The following SCAMP5 variants were observed in gnomAD, a reference collection of about 807,000 sequenced individuals.
SCAMP5 encodes the protein secretory carrier-associated membrane protein 5.
In SCAMP5, 7 loss-of-function variants were observed where a neutral mutation model predicts 28.3. That is an observed-to-expected ratio of 0.25 (90% CI 0.14 to 0.46). The LOEUF is 0.46. Among genes scored for constraint, SCAMP5 ranks in the 20% least tolerant of loss-of-function variants. The pLI, the probability that SCAMP5 is intolerant of heterozygous loss-of-function variation, is 0.99. For missense variants in SCAMP5, 192 were observed against 312.5 expected, an observed-to-expected ratio of 0.61 and a Z score of 2.91; for synonymous variants, 117 against 116.4, an observed-to-expected ratio of 1.00 and a Z score of -0.03.
chr15:75,006,107 C>T (rs983450572), intron 1 of SCAMP5, among the ~76,000 whole-genome samples: 16 of 149,046 alleles, frequency 1.1e-4, no homozygotes, highest in African/African-American at 3.0e-4. Flanking sequence ...AAGCTATTCT[C>T]CTGCCCCAGC....
At chr15:75,015,029 G>A (rs1451108966) in intron 3 of SCAMP5, among the ~76,000 whole-genome samples, 1 of 152,112 alleles carries the variant, frequency 6.6e-6, no homozygotes, top group Non-Finnish European at 1.5e-5. Flanking sequence ...AGGCTTGTAG[G>A]TCACTGTGTC....
intron 3 of SCAMP5, 36 bp from the exon 4 acceptor site, chr15:75,016,557 C>T (rs762146000): frequency 4.4e-6 from 7 of 1,588,832 alleles, no homozygotes; most frequent in South Asian, 1.1e-5. Context: ...GCCTGGGTGT[C>T]TGTCTCTATG....
intron 1 of SCAMP5, among the ~76,000 whole-genome samples, chr15:75,001,307 T>C (rs2065705991): frequency 1.4e-5 from 2 of 146,036 alleles, no homozygotes; most frequent in African/African-American, 5.1e-5. Flanking sequence ...AGATCCAATA[T>C]CTATGAAGCC....
intron 1 of SCAMP5, among the ~76,000 whole-genome samples, chr15:75,009,627 C>T (rs991932549): frequency 6.6e-6 from 1 of 152,128 alleles, no homozygotes; most frequent in South Asian, 2.1e-4. Flanking sequence ...CAGGCACGCA[C>T]CATCGTGCCT....
chr15:75,018,978 A>G lies in SCAMP5; in HGVS notation c.703A>G (p.Met235Val). The change falls in exon 7 of 7, where the codon ATG (methionine) becomes GTG (valine). Residue 235 changes from methionine (M) to valine (V), a missense_variant. By Grantham distance (21) the Met-to-Val change is conservative. Coordinates refer to ENST00000425597, the MANE Select transcript of SCAMP5 (RefSeq NM_138967.4). The surrounding 1 kb of genome is among the most constrained non-coding windows in gnomAD (Gnocchi z 5.6). ...CCCCAATTACACGTACTCCAATGAG[A>G]TGTGAACCAGCCACGCCTACCAGGT... is the stretch of plus-strand genomic sequence containing the variant. ...ATPNYTYSNEM is the reference protein window; with the variant it reads ...ATPNYTYSNEV 1 of 1,506,352 alleles carries G rather than the reference A, an allele frequency of 6.6e-7. No homozygotes were observed. Among genetic ancestry groups the G allele is most frequent in the East Asian group, 2.4e-5 (1 of 41,742 alleles). 93.3% of individuals were successfully genotyped at this position (1,506,352 alleles called of 1,614,324 possible).
chr15:75,011,617 G>T (rs1193229787), intron 1 of SCAMP5, 175 bp from the exon 2 acceptor site: 1 of 407,354 alleles, frequency 2.5e-6, no homozygotes, highest in Admixed American at 3.9e-5. Context: ...GTAAGATGCA[G>T]CTGGTGGAAG....
chr15:75,003,162 A>G (rs2065725325), intron 1 of SCAMP5, among the ~76,000 whole-genome samples: 1 of 152,202 alleles, frequency 6.6e-6, no homozygotes, highest in Non-Finnish European at 1.5e-5. Flanking sequence ...ACCTCAAGTG[A>G]TCCGTCCATC....
At chr15:75,012,101 T>A (rs2141446776) in intron 2 of SCAMP5, among the ~76,000 whole-genome samples, 1 of 152,352 alleles carries the variant, frequency 6.6e-6, no homozygotes, top group East Asian at 1.9e-4. Context: ...ACTGTCCATC[T>A]GCCTGATTAG....
intron 1 of SCAMP5, among the ~76,000 whole-genome samples, chr15:75,004,454 G>A (rs192170609): frequency 3.3e-5 from 5 of 152,282 alleles, no homozygotes; most frequent in Middle Eastern, 6.8e-3. Context: ...CTACAGGCCG[G>A]CATGGTGGCT....
At chr15:74,995,774 C>T (rs962376402) in intron 1 of SCAMP5, 101 bp downstream of exon 1, 1 of 152,954 alleles carries the variant, frequency 6.5e-6, no homozygotes, top group Non-Finnish European at 1.5e-5. Context: ...TCCTCCTACA[C>T]TTCACCTTTG....
intron 1 of SCAMP5, among the ~76,000 whole-genome samples, chr15:75,000,575 G>A (rs56970592): frequency 0.2 from 30,370 of 151,700 alleles, 4,830 homozygotes; most frequent in South Asian, 0.43. Flanking sequence ...AAGTAGAGAC[G>A]AGGTTTCACC....
At chr15:75,009,419 A>G (rs1340433700) in intron 1 of SCAMP5, among the ~76,000 whole-genome samples, 1 of 148,744 alleles carries the variant, frequency 6.7e-6, no homozygotes, top group Non-Finnish European at 1.5e-5. Context: ...GTCCAGAAGA[A>G]TTTGACTGGA....
At chr15:75,015,160 TG>T (rs1168822745) in intron 3 of SCAMP5, among the ~76,000 whole-genome samples, 1 of 148,732 alleles carries the variant, frequency 6.7e-6, no homozygotes, top group Non-Finnish European at 1.5e-5. Context: ...CCCAAGGAAA[TG>T]TATATAACCC....
intron 1 of SCAMP5, among the ~76,000 whole-genome samples, chr15:75,006,428 G>A (rs2065760065): frequency 6.6e-6 from 1 of 152,086 alleles, no homozygotes; most frequent in South Asian, 2.1e-4. Context: ...TGAGGTGGGT[G>A]GATGGCTTGA....
At chr15:74,998,680 C>G (rs1160954889) in intron 1 of SCAMP5, among the ~76,000 whole-genome samples, 2 of 151,880 alleles carry the variant, frequency 1.3e-5, no homozygotes, top group Non-Finnish European at 2.9e-5. Flanking sequence ...CCCCACCCCC[C>G]ATTTCAAAGG....
At position 75,016,748 on chromosome 15, in the gene SCAMP5, A is replaced by G; in HGVS notation, c.292A>G (p.Lys98Glu). 1.2e-6 allele frequency: 2 copies of G among 1,612,692 alleles called. No individual in the cohort carries two copies. Among genetic ancestry groups the G allele is most frequent in the Non-Finnish European group, 1.7e-6 (2 of 1,179,444 alleles). Reference sequence around the variant, plus strand: ...GTTTCGGCCCATTTACAAGGCCTTCAAGTAAGTGGTTGGTGCTATCCGCAG... The same window carrying G: ...GTTTCGGCCCATTTACAAGGCCTTCGAGTAAGTGGTTGGTGCTATCCGCAG... ...CWFRPIYKAF[K>E]TDSSFSFMAF... Residue 98 changes from lysine (K) to glutamate (E), a missense_variant and splice_region_variant, in exon 4 of 7, where the codon AAG becomes GAG. Transcript: ENST00000425597.
intron 1 of SCAMP5, among the ~76,000 whole-genome samples, chr15:75,000,890 C>T (rs1057023206): frequency 6.6e-6 from 1 of 151,934 alleles, no homozygotes; most frequent in Non-Finnish European, 1.5e-5. Context: ...TTAAGTATGC[C>T]GTGCTATTGC....
Position 75,018,451 on chromosome 15 carries a change from G to A in SCAMP5, c.429G>A (p.Thr143=), listed in dbSNP as rs778160445. The change falls in exon 6 of 7, where the codon ACG becomes ACA. Residue 143 remains threonine (T), a synonymous_variant. Transcript: ENST00000425597. The surrounding 1 kb of genome is among the most constrained non-coding windows in gnomAD (Gnocchi z 5.6). The stretch of plus-strand genomic sequence containing the variant: ...TTGCTACCATCTCCTTCTTCGGAAC[G>A]AACATTGGCTCGGCGGTGGTGATGC... ...GWIATISFFG[T]NIGSAVVMLI... is the part of the protein sequence containing the mutation. 3.1e-6 allele frequency: 5 copies of A among 1,613,784 alleles called. No homozygotes were observed. The South Asian group carries it at 3.3e-5, about 11-fold the overall frequency.
At position 75,018,347 on chromosome 15, in the gene SCAMP5, C is replaced by T. The variant is rs750461665; in HGVS notation, c.396-71C>T. 3.3e-6 allele frequency: 3 copies of T among 912,078 alleles called. No individual in the cohort carries two copies. The East Asian group carries it at 7.2e-5, about 22-fold the overall frequency. The allele number at this position is 912,078 out of a possible 1,614,324, so 56.5% of individuals were successfully genotyped here. The stretch of plus-strand genomic sequence containing the variant: ...TCCTCCCTGTGGCAATGAGACGGTC[C>T]CTTCCTCTAGCGGGGGGCTCCTGGG... On this transcript the variant is annotated intron_variant, in intron 5 of 6. Coordinates refer to ENST00000425597, the MANE Select transcript of SCAMP5 (RefSeq NM_138967.4). This position sits in a 1 kb window ranked among gnomAD's most constrained non-coding sequence, Gnocchi z 5.6.
Sources: allele counts gnomAD v4.1 joint callset (sites outside exome capture counted in the v4.1 genomes callset), GRCh38; gene constraint gnomAD v4.1.1; non-coding constraint Gnocchi (gnomAD v3.1); transcripts MANE v1.5; gene names NCBI Gene and HGNC (gene_info 2026-07-23, HGNC 2026-07-21).